SH3KBP1: variants seen among roughly 807,000 people sequenced by gnomAD.
The protein encoded by SH3KBP1 is SH3 domain-containing kinase-binding protein 1.
SH3KBP1 carries 8 observed loss-of-function variants against 50.1 expected under a neutral mutation model. That is an observed-to-expected ratio of 0.16 (90% CI 0.09 to 0.29). The LOEUF is 0.29. SH3KBP1 is among the 10% of genes least tolerant of loss of function. The pLI, the probability that SH3KBP1 is intolerant of heterozygous loss-of-function variation, is 1.00. For missense variants in SH3KBP1, 377 were observed against 535.2 expected (o/e 0.70, Z 2.92); for synonymous variants, 227 against 218.6 (o/e 1.04, Z -0.34).
chrX:19,751,566 G>A lies in SH3KBP1; in HGVS notation c.163-5125C>T, dbSNP rs1013452537. ...CAGCAAACCTCTTCAGAAAGCAAAG[G>A]AAACCCAGCTTCTCTTTATCTCAGA... On this transcript the variant is annotated intron_variant, in intron 2 of 17. Transcript: ENST00000397821. Among the ~76,000 whole-genome samples the A allele has an allele frequency of 1.8e-4, 20 of 111,491 alleles. 1 individual carries two copies. Among genetic ancestry groups the A allele is most frequent in the African/African-American group, 6.5e-4 (20 of 30,573 alleles).
chrX:19,665,644 G>T (rs942386120), intron 6 of SH3KBP1, among the ~76,000 whole-genome samples: 1 of 111,877 alleles, frequency 8.9e-6, no homozygotes, highest in African/African-American at 3.2e-5. Context: ...CCTGAGCTGG[G>T]AATAAGGCTG....
chrX:19,795,096 C>T (rs189838735), intron 2 of SH3KBP1, among the ~76,000 whole-genome samples: 23 of 112,026 alleles, frequency 2.1e-4, no homozygotes, highest in South Asian at 7.5e-4. Flanking sequence ...AGGCATGTTA[C>T]GATATTCGCT....
intron 2 of SH3KBP1, among the ~76,000 whole-genome samples, chrX:19,827,756 C>T (rs752816233): frequency 9.8e-6 from 1 of 101,932 alleles, no homozygotes; most frequent in South Asian, 4.5e-4. Flanking sequence ...TTTTAGGTAG[C>T]AGTCTGAGGT....
At chrX:19,687,735 A>AG (rs752194277) in intron 5 of SH3KBP1, 3 of 977,794 alleles carry the variant, frequency 3.1e-6, no homozygotes, top group African/African-American at 3.8e-5. Context: ...AAAACAAGAG[A>AG]GGGGGGAGGA....
At chrX:19,578,375 T>C (rs1047348999) in intron 12 of SH3KBP1, among the ~76,000 whole-genome samples, 2 of 111,769 alleles carry the variant, frequency 1.8e-5, no homozygotes, top group Admixed American at 1.9e-4. Context: ...TGCCTGAGGA[T>C]ACAAGGCCAA....
chrX:19,687,737 G>A (rs755260964), intron 5 of SH3KBP1: 3 of 980,261 alleles, frequency 3.1e-6, no homozygotes, highest in East Asian at 3.1e-5. Flanking sequence ...AACAAGAGAG[G>A]GGGGAGGAGG....
intron 6 of SH3KBP1, among the ~76,000 whole-genome samples, chrX:19,671,488 C>A (rs1007014316): frequency 9.0e-6 from 1 of 111,294 alleles, no homozygotes; most frequent in Non-Finnish European, 1.9e-5. Flanking sequence ...GCTGCCATGT[C>A]ATCAGGAGCA....
intron 2 of SH3KBP1, among the ~76,000 whole-genome samples, chrX:19,773,856 GAAAAAAAAAAAAAAAAA>G (rs59381892): frequency 6.7e-5 from 1 of 14,922 alleles, no homozygotes; most frequent in African/African-American, 3.5e-4. Context: ...ACTCCGGCTC[GAAAAAAAAAAAAAAAAA>G]AAAAAAAAAA....
At chrX:19,733,252 A>G (rs2064432454) in intron 3 of SH3KBP1, among the ~76,000 whole-genome samples, 1 of 111,510 alleles carries the variant, frequency 9.0e-6, no homozygotes, top group Admixed American at 9.5e-5. Flanking sequence ...TTTAAAATAA[A>G]TGAGAGTAAC....
chrX:19,885,046 C>T (rs2069550222), intron 1 of SH3KBP1, among the ~76,000 whole-genome samples: 2 of 111,488 alleles, frequency 1.8e-5, no homozygotes, highest in South Asian at 7.5e-4. Context: ...AGCGTGCAGT[C>T]CCAGCTACTT....
At position 19,724,972 on chromosome X, in the gene SH3KBP1, C is replaced by G. The variant is rs758308307; in HGVS notation, c.287-17988G>C. Among the ~76,000 whole-genome samples the G allele has an allele frequency of 2.7e-5, 3 of 111,654 alleles. No individual in the cohort carries two copies. In the South Asian group the frequency reaches 1.1e-3, roughly 42 times the overall value. On this transcript the variant is annotated intron_variant, in intron 3 of 17. Transcript: ENST00000397821. ...ATTCTCAAATCCTAGACTCTGTGAA[C>G]AGGAACTCAGCTGGCCTCCTTGGGG...
chrX:19,701,865 T>C (rs1413532877), intron 4 of SH3KBP1, among the ~76,000 whole-genome samples: 5 of 112,385 alleles, frequency 4.4e-5, no homozygotes, highest in African/African-American at 1.6e-4. Flanking sequence ...ATCCCACAGC[T>C]ATGCAAATCT....
intron 14 of SH3KBP1, among the ~76,000 whole-genome samples, chrX:19,548,062 CT>C (rs1283513763): frequency 8.9e-6 from 1 of 112,901 alleles, no homozygotes; most frequent in Non-Finnish European, 1.9e-5. Flanking sequence ...TGACCATGTG[CT>C]TTTCATTCCA....
chrX:19,852,300 G>A lies in SH3KBP1; in HGVS notation c.5-16018C>T, dbSNP rs186523280. Among the ~76,000 whole-genome samples, 910 of 111,065 alleles carry A rather than the reference G, an allele frequency of 8.2e-3. 15 individuals are homozygous for A. Among genetic ancestry groups the A allele is most frequent in the African/African-American group, 0.028 (860 of 30,546 alleles). On this transcript the variant is annotated intron_variant, in intron 1 of 17. Transcript: ENST00000397821. ...CTCCAAACCTCAGGCCTTTCCAGCC[G>A]AGGCCCCAGACACTGTAGAGCTGAA...
intron 12 of SH3KBP1, among the ~76,000 whole-genome samples, chrX:19,582,140 T>C (rs1031879296): frequency 8.9e-6 from 1 of 112,179 alleles, no homozygotes; most frequent in African/African-American, 3.2e-5. Context: ...GTCTGATTCA[T>C]AGCAACCAAC....
At chrX:19,754,260 A>T (rs1258981694) in intron 2 of SH3KBP1, among the ~76,000 whole-genome samples, 1 of 111,823 alleles carries the variant, frequency 8.9e-6, no homozygotes, top group Non-Finnish European at 1.9e-5. Context: ...CAAAAATGAG[A>T]ACGACTACCT....
intron 6 of SH3KBP1, among the ~76,000 whole-genome samples, chrX:19,661,991 C>G (rs940799412): frequency 5.4e-5 from 6 of 111,676 alleles, no homozygotes; most frequent in Admixed American, 9.5e-5. Context: ...TTCTACCCCT[C>G]CACGTTATTG....
chrX:19,648,632 T>C (rs1159797122), intron 6 of SH3KBP1, among the ~76,000 whole-genome samples: 1 of 111,247 alleles, frequency 9.0e-6, no homozygotes, highest in Middle Eastern at 4.2e-3. Context: ...TCCTTCTCAG[T>C]GTTACCCTTT....
chrX:19,552,457 C>A (rs1384449656), intron 13 of SH3KBP1, among the ~76,000 whole-genome samples: 1 of 110,295 alleles, frequency 9.1e-6, no homozygotes, highest in East Asian at 2.8e-4. Context: ...ACCCAAGGAG[C>A]AGATGCTGAC....
Sources: allele counts gnomAD v4.1 joint callset (sites outside exome capture counted in the v4.1 genomes callset), GRCh38; gene constraint gnomAD v4.1.1; transcripts MANE v1.5; gene names NCBI Gene and HGNC (gene_info 2026-07-23, HGNC 2026-07-21).